Variants in RBMS3 observed in about 807,000 individuals in gnomAD.
The protein encoded by RBMS3 is RNA binding motif single stranded interacting protein 3.
In RBMS3, 27 loss-of-function variants were observed where a neutral mutation model predicts 66.8. The observed-to-expected ratio is 0.40, with a 90% CI of 0.30 to 0.56. The LOEUF is 0.56. Among genes scored for constraint, RBMS3 ranks in the 20% least tolerant of loss-of-function variants. RBMS3 has a pLI of 0.40. For synonymous variants in RBMS3, 188 were observed against 183.0 expected, an observed-to-expected ratio of 1.03 and a Z score of -0.22; for missense variants, 513 against 549.5, an observed-to-expected ratio of 0.93 and a Z score of 0.66.
At chr3:29,351,348 A>G (rs2036901391) in intron 1 of RBMS3, among the ~76,000 whole-genome samples, 1 of 152,174 alleles carries the variant, frequency 6.6e-6, no homozygotes, top group African/African-American at 2.4e-5. Flanking sequence ...TAAACTGCCC[A>G]TAAGAAATTA....
At chr3:29,649,222 A>G (rs1346006734) in intron 4 of RBMS3, among the ~76,000 whole-genome samples, 2 of 152,186 alleles carry the variant, frequency 1.3e-5, no homozygotes, top group Non-Finnish European at 2.9e-5. Context: ...TCACATGGCA[A>G]TACATGAAAA....
In RBMS3 at chr3:29,402,220, A is replaced by C. The variant is rs991979083; in HGVS notation, c.76-32523A>C. On this transcript the variant is annotated intron_variant, in intron 1 of 14. Coordinates refer to ENST00000383767, the MANE Select transcript of RBMS3 (RefSeq NM_001003793.3). ...GGCCTTCAAATTGTAAGAGGCTCCT[A>C]TGTAGGAAACATTATTCTAATGAAG... Among the ~76,000 whole-genome samples, 4 of 152,198 alleles carry C rather than the reference A, an allele frequency of 2.6e-5. No homozygotes were observed. In the South Asian group the frequency reaches 6.2e-4, roughly 24 times the overall value.
At chr3:29,324,778 CT>C (rs2035221873) in intron 1 of RBMS3, among the ~76,000 whole-genome samples, 1 of 152,038 alleles carries the variant, frequency 6.6e-6, no homozygotes. Context: ...CTCTTTCCTT[CT>C]TTCTCTTTGC....
intron 10 of RBMS3, among the ~76,000 whole-genome samples, chr3:29,907,621 T>C (rs576457618): frequency 6.6e-6 from 1 of 152,258 alleles, no homozygotes; most frequent in Admixed American, 6.5e-5. Context: ...CTGTTAAAAA[T>C]ATACTTCCGG....
chr3:29,642,634 G>T (rs1418475340), intron 4 of RBMS3: 2 of 152,046 alleles, frequency 1.3e-5, no homozygotes, highest in Non-Finnish European at 2.9e-5. Flanking sequence ...GTGGGAACTT[G>T]GTAAGAACCT....
chr3:29,695,812 A>G (rs1162986800), intron 4 of RBMS3, among the ~76,000 whole-genome samples: 5 of 152,240 alleles, frequency 3.3e-5, no homozygotes, highest in Non-Finnish European at 5.9e-5. Flanking sequence ...TGAGTTTCAC[A>G]AACAATCCCA....
intron 4 of RBMS3, among the ~76,000 whole-genome samples, chr3:29,711,478 A>G (rs567540388): frequency 1.3e-5 from 2 of 152,288 alleles, no homozygotes; most frequent in Admixed American, 6.5e-5. Context: ...CTTGACCTCC[A>G]AGAAACTTGG....
intron 3 of RBMS3, among the ~76,000 whole-genome samples, chr3:29,574,828 A>AACACACACACAC (rs201818764): frequency 2.0e-5 from 3 of 146,850 alleles, no homozygotes; most frequent in East Asian, 2.0e-4. Flanking sequence ...TGCATAAGAA[A>AACACACACACAC]ACACACACAC....
intron 3 of RBMS3, among the ~76,000 whole-genome samples, chr3:29,535,253 A>C (rs987777480): frequency 1.3e-5 from 2 of 152,184 alleles, no homozygotes; most frequent in Non-Finnish European, 2.9e-5. Flanking sequence ...AGAGATGGTA[A>C]TGACTACATT....
chr3:29,709,808 A>G (rs914382151), intron 4 of RBMS3, among the ~76,000 whole-genome samples: 7 of 152,346 alleles, frequency 4.6e-5, no homozygotes, highest in Admixed American at 3.3e-4. Context: ...CTATATTTAT[A>G]TTTAATTCTT....
At chr3:30,000,968 A>C (rs572632128) in intron 14 of RBMS3, among the ~76,000 whole-genome samples, 1 of 152,174 alleles carries the variant, frequency 6.6e-6, no homozygotes, top group South Asian at 2.1e-4. Context: ...GCAAATCACC[A>C]TGGCATGTGT....
At chr3:29,901,492 G>C (rs755737005) in intron 10 of RBMS3, among the ~76,000 whole-genome samples, 3 of 151,720 alleles carry the variant, frequency 2.0e-5, no homozygotes, top group Non-Finnish European at 2.9e-5. Context: ...TCTATTAGGG[G>C]CAGGGAAGAT....
chr3:29,960,417 T>C (rs1452345808), intron 12 of RBMS3, among the ~76,000 whole-genome samples: 5 of 152,186 alleles, frequency 3.3e-5, no homozygotes, highest in African/African-American at 1.2e-4. Context: ...AGGCTGGAAT[T>C]GAGTGCCTGT....
At chr3:29,725,750 A>G (rs1306562943) in intron 4 of RBMS3, among the ~76,000 whole-genome samples, 1 of 152,148 alleles carries the variant, frequency 6.6e-6, no homozygotes, top group Non-Finnish European at 1.5e-5. Flanking sequence ...CCAGGACCAG[A>G]TGGATTCAGA....
At chr3:29,550,073 C>A (rs977545049) in intron 3 of RBMS3, among the ~76,000 whole-genome samples, 1 of 152,222 alleles carries the variant, frequency 6.6e-6, no homozygotes, top group East Asian at 1.9e-4. Flanking sequence ...ATGGAAACAT[C>A]TAACTTGCCA....
chr3:29,712,305 T>A (rs2053206098), intron 4 of RBMS3, among the ~76,000 whole-genome samples: 1 of 152,034 alleles, frequency 6.6e-6, no homozygotes, highest in Non-Finnish European at 1.5e-5. Context: ...TTTTTGTTAA[T>A]TTTTATTTAT....
At chr3:29,488,249 T>A (rs1177225163) in intron 2 of RBMS3, among the ~76,000 whole-genome samples, 192 bp from the exon 3 acceptor site, 2 of 152,174 alleles carry the variant, frequency 1.3e-5, no homozygotes, top group African/African-American at 4.8e-5. Flanking sequence ...ATTGCTTACA[T>A]AGGGAAGAAC....
At chr3:29,700,860 A>G (rs986328736) in intron 4 of RBMS3, among the ~76,000 whole-genome samples, 13 of 151,364 alleles carry the variant, frequency 8.6e-5, no homozygotes, top group African/African-American at 2.9e-4. Flanking sequence ...GATTATAAGC[A>G]TGTGTGTGTG....
intron 1 of RBMS3, among the ~76,000 whole-genome samples, chr3:29,409,236 C>T (rs1488511866): frequency 6.6e-6 from 1 of 152,272 alleles, no homozygotes; most frequent in East Asian, 1.9e-4. Context: ...ACAGAGCAGG[C>T]CTCTGCTCCA....
Sources: gnomAD v4.1 joint callset for allele counts (sites outside exome capture counted in the v4.1 genomes callset) on GRCh38, gnomAD v4.1.1 for gene constraint, MANE v1.5 for transcripts, NCBI Gene and HGNC (gene_info 2026-07-23, HGNC 2026-07-21) for gene names.